Variants in TPPP observed in about 807,000 individuals in gnomAD.
The protein encoded by TPPP is tubulin polymerization-promoting protein.
TPPP carries 6 observed loss-of-function variants against 15.5 expected under a neutral mutation model. The observed-to-expected ratio is 0.39, with a 90% CI of 0.21 to 0.77. The LOEUF (loss-of-function observed/expected upper bound fraction) is 0.77. Ranked by LOEUF, TPPP falls within the 30% of genes least tolerant of loss-of-function variation. The pLI, the probability that TPPP is intolerant of heterozygous loss-of-function variation, is 0.42. For missense variants in TPPP, 269 were observed against 307.2 expected, an observed-to-expected ratio of 0.88 and a Z score of 0.93; for synonymous variants, 146 against 133.9, an observed-to-expected ratio of 1.09 and a Z score of -0.63.
At chr5:684,348 A>G (rs59402340) in intron 1 of TPPP, among the ~76,000 whole-genome samples, 34,344 of 152,174 alleles carry the variant, frequency 0.23, 8,382 homozygotes, top group African/African-American at 0.62. Context: ...AGGGCTGAGG[A>G]GAAAGTCTCC....
At chr5:694,201 GC>G (rs1372445555), upstream of TPPP, among the ~76,000 whole-genome samples, 1 of 151,654 alleles carries the variant, frequency 6.6e-6, no homozygotes, top group African/African-American at 2.4e-5. Context: ...TCCGCCCGGG[GC>G]TGCCCGGCCC....
chr5:668,137 G>A lies in TPPP; in HGVS notation c.312-2014C>T, dbSNP rs531565859. On this transcript the variant is annotated intron_variant, in intron 2 of 3. Coordinates refer to ENST00000360578, the MANE Select transcript of TPPP (RefSeq NM_007030.3). ...GACAAGCACACGGAGAGGGGTCCGC[G>A]TGGGCCCCGTCAGGGAAGTACCGAC... Among the ~76,000 whole-genome samples the A allele has an allele frequency of 3.6e-4, 46 of 126,446 alleles. 2 individuals are homozygous for A. Among genetic ancestry groups the A allele is most frequent in the South Asian group, 6.1e-4 (2 of 3,260 alleles). The allele number at this position is 126,446 out of a possible 152,430, so 83.0% of individuals were successfully genotyped here. A position where few individuals can be genotyped will look rare whatever the true frequency, so the allele number is the denominator to read the frequency against.
At chr5:665,610 C>T (rs1276000558) in intron 3 of TPPP, among the ~76,000 whole-genome samples, 1 of 131,492 alleles carries the variant, frequency 7.6e-6, no homozygotes, top group Non-Finnish European at 1.8e-5. Context: ...CAGGCTATGC[C>T]CCCCCAATCC....
At position 686,709 on chromosome 5, in the gene TPPP, A is replaced by C. The variant is rs1020712907; in HGVS notation, c.-5+6569T>G. ...CCAATGGTGAGTGTCTCTACCTAGA[A>C]GAGGCAGAAGAGAAGACACAGAGAG... On this transcript the variant is annotated intron_variant, in intron 1 of 3. Coordinates refer to ENST00000360578, the MANE Select transcript of TPPP (RefSeq NM_007030.3). 2.0e-5 allele frequency among the ~76,000 whole-genome samples: 3 copies of C among 148,050 alleles called. 1 individual carries two copies. The highest frequency in any genetic ancestry group is 4.5e-4 in the South Asian group (2 of 4,406).
At chr5:693,640 C>T (rs1162184283), upstream of TPPP, among the ~76,000 whole-genome samples, 2 of 151,638 alleles carry the variant, frequency 1.3e-5, no homozygotes, top group African/African-American at 4.8e-5. Context: ...GGGCAGGGGG[C>T]GGCGGGGCCC....
chr5:698,281 C>T (rs1465043169), upstream of TPPP, among the ~76,000 whole-genome samples: 1 of 152,054 alleles, frequency 6.6e-6, no homozygotes, highest in African/African-American at 2.4e-5. Context: ...TTTCACCACT[C>T]TTATTCAACA....
At chr5:671,843 A>G (rs1166570739) in intron 2 of TPPP, among the ~76,000 whole-genome samples, 1 of 152,186 alleles carries the variant, frequency 6.6e-6, no homozygotes, top group Non-Finnish European at 1.5e-5. Context: ...TGGCACCCAC[A>G]GCAATGGAGG....
Position 678,033 on chromosome 5 carries a change from C to T in TPPP, c.28G>A (p.Ala10Thr), listed in dbSNP as rs1169389134. Residue 10 changes from alanine to threonine, a missense_variant, in exon 2 of 4, where the codon GCT becomes ACT. Ala to Thr is a moderately conservative substitution (Grantham distance 58). Transcript: ENST00000360578. Reference sequence around the variant, plus strand: ...GACTTGGGGGGCGTCCTGTTGGCAGCTTTGGCAGGCTTGGCCTTGTCAGCC... The same window carrying T: ...GACTTGGGGGGCGTCCTGTTGGCAGTTTTGGCAGGCTTGGCCTTGTCAGCC... MADKAKPAKAANRTPPKSPG... is the reference protein window; with the variant it reads MADKAKPAKTANRTPPKSPG... 1.9e-6 allele frequency: 3 copies of T among 1,586,806 alleles called. No homozygotes were observed. The highest frequency in any genetic ancestry group is 2.6e-6 in the Non-Finnish European group (3 of 1,167,032).
intron 1 of TPPP, among the ~76,000 whole-genome samples, chr5:678,473 C>T (rs1308109471): frequency 6.9e-6 from 1 of 144,384 alleles, no homozygotes; most frequent in Non-Finnish European, 1.5e-5. Context: ...CTCCTGTGGA[C>T]GCCCGCTCTG....
At chr5:697,987 T>G (rs1286994190), upstream of TPPP, among the ~76,000 whole-genome samples, 18 of 144,546 alleles carry the variant, frequency 1.2e-4, no homozygotes, top group African/African-American at 3.9e-4. Context: ...TAATACACCC[T>G]GATCAGGTGG....
upstream of TPPP, chr5:693,458 T>G (rs1377468244): frequency 2.4e-4 from 34 of 141,298 alleles, no homozygotes; most frequent in Admixed American, 1.5e-3. Context: ...CCGCCCAGCG[T>G]CCCGCCCCGC....
chr5:699,827 C>CA, the TPPP span, among the ~76,000 whole-genome samples: 2 of 91,152 alleles, frequency 2.2e-5, no homozygotes, highest in East Asian at 2.2e-4. Flanking sequence ...CAAAAGTGGT[C>CA]AAAAAACATG....
intron 2 of TPPP, among the ~76,000 whole-genome samples, chr5:677,007 C>A (rs567861692): frequency 6.7e-6 from 1 of 150,160 alleles, no homozygotes; most frequent in Non-Finnish European, 1.5e-5. Context: ...CACGTGCACA[C>A]GCAGAAACGC....
intron 1 of TPPP, among the ~76,000 whole-genome samples, chr5:686,724 GAC>G (rs1283533807): frequency 6.8e-6 from 1 of 147,802 alleles, no homozygotes; most frequent in Admixed American, 6.8e-5. Context: ...CAGAAGAGAA[GAC>G]ACAGAGAGAA....
At chr5:675,218 G>A (rs1483423496) in intron 2 of TPPP, among the ~76,000 whole-genome samples, 2 of 127,000 alleles carry the variant, frequency 1.6e-5, no homozygotes, top group African/African-American at 3.0e-5. Flanking sequence ...GTAGCCGGGG[G>A]TGCAGTGTGG....
intron 2 of TPPP, chr5:676,103 C>A (rs535147573): frequency 6.6e-6 from 1 of 152,294 alleles, no homozygotes; most frequent in African/African-American, 2.4e-5. Context: ...GCTGGGGGAG[C>A]CTGCAAGGCA....
intron 2 of TPPP, among the ~76,000 whole-genome samples, chr5:670,859 A>C (rs1240517279): frequency 6.6e-6 from 1 of 152,186 alleles, no homozygotes; most frequent in Non-Finnish European, 1.5e-5. Flanking sequence ...CTCCACCAGC[A>C]GCTGAGCACC....
intron 1 of TPPP, among the ~76,000 whole-genome samples, chr5:686,411 A>G (rs1740768834): frequency 6.6e-6 from 1 of 152,146 alleles, no homozygotes; most frequent in Non-Finnish European, 1.5e-5. Context: ...AGGTTACAGA[A>G]CACTGCAGAA....
chr5:693,505 G>T (rs1184672936), upstream of TPPP: 3 of 55,210 alleles, frequency 5.4e-5, no homozygotes, highest in East Asian at 6.7e-4. Context: ...CGCCCCACCC[G>T]GCCCGGGGAC....
Sources: gnomAD v4.1 joint callset for allele counts (sites outside exome capture counted in the v4.1 genomes callset) on GRCh38, gnomAD v4.1.1 for gene constraint, MANE v1.5 for transcripts, NCBI Gene and HGNC (gene_info 2026-07-23, HGNC 2026-07-21) for gene names.